ULK2: variants seen among roughly 807,000 people sequenced by gnomAD.
ULK2 encodes the protein serine/threonine-protein kinase ULK2.
In ULK2, 76 loss-of-function variants were observed where a neutral mutation model predicts 127.5. That is an observed-to-expected ratio of 0.60 (90% CI 0.50 to 0.72). ULK2 has a LOEUF of 0.72. Ranked by LOEUF, ULK2 falls within the 30% of genes least tolerant of loss-of-function variation. The pLI is 0.00. For missense variants in ULK2, 1,144 were observed against 1,295.9 expected (o/e 0.88, Z 1.80); for synonymous variants, 452 against 461.9 (o/e 0.98, Z 0.28).
intron 7 of ULK2, 73 bp from the exon 8 acceptor site, chr17:19,843,295 G>T: frequency 2.0e-6 from 2 of 982,104 alleles, no homozygotes; most frequent in Non-Finnish European, 3.0e-6. Flanking sequence ...TAATTAACTG[G>T]TAAAGGTGAC....
chr17:19,839,572 G>C (rs777919672), intron 9 of ULK2, among the ~76,000 whole-genome samples: 2 of 150,162 alleles, frequency 1.3e-5, no homozygotes, highest in Non-Finnish European at 3.0e-5. Flanking sequence ...TGAGGCAGGA[G>C]AATGGCTTGA....
intron 3 of ULK2, among the ~76,000 whole-genome samples, chr17:19,851,282 G>A (rs1451553436): frequency 2.2e-5 from 3 of 137,262 alleles, no homozygotes; most frequent in Non-Finnish European, 3.0e-5. Flanking sequence ...AGCCAAGATC[G>A]TACCACTGCA....
chr17:19,860,733 A>G (rs747695990), intron 3 of ULK2, among the ~76,000 whole-genome samples: 18 of 152,056 alleles, frequency 1.2e-4, no homozygotes, highest in Non-Finnish European at 2.2e-4. Flanking sequence ...CATGTTGGTC[A>G]CGCTGGTCTC....
chr17:19,822,054 C>A (rs2041162031), intron 12 of ULK2, among the ~76,000 whole-genome samples: 1 of 151,140 alleles, frequency 6.6e-6, no homozygotes, highest in African/African-American at 2.4e-5. Flanking sequence ...GGCACAATCT[C>A]AGCTCACTGC....
At chr17:19,811,414 G>A (rs2087636879) in intron 13 of ULK2, among the ~76,000 whole-genome samples, 1 of 151,646 alleles carries the variant, frequency 6.6e-6, no homozygotes, top group African/African-American at 2.4e-5. Flanking sequence ...ATCACGAGAG[G>A]GAAATTATTT....
chr17:19,825,997 A>ATAATAAATAAATAAATAAAT (rs1555560363), intron 11 of ULK2, 142 bp downstream of exon 11: 1 of 59,202 alleles, frequency 1.7e-5, no homozygotes, highest in South Asian at 8.3e-4. Flanking sequence ...AAAAAAAAAA[A>ATAATAAATAAATAAATAAAT]AAAAAAATAA....
In ULK2 at chr17:19,782,919, T is replaced by C. The variant is rs373309423; in HGVS notation, c.2460+778A>G. On this transcript the variant is annotated intron_variant, in intron 22 of 26. Coordinates refer to ENST00000395544, the MANE Select transcript of ULK2 (RefSeq NM_014683.4). Reference sequence around the variant, plus strand: ...TGACAGAGCAAGACTCTGTCTCAAATAAACAAACAAACAAACAAACAAATA... The same window carrying C: ...TGACAGAGCAAGACTCTGTCTCAAACAAACAAACAAACAAACAAACAAATA... Among the ~76,000 whole-genome samples the C allele has an allele frequency of 3.1e-3, 459 of 149,196 alleles. 1 individual carries two copies. The highest frequency in any genetic ancestry group is 6.8e-3 in the Middle Eastern group (2 of 294).
At chr17:19,830,119 A>G (rs1276730602) in intron 10 of ULK2, among the ~76,000 whole-genome samples, 2 of 152,202 alleles carry the variant, frequency 1.3e-5, no homozygotes, top group African/African-American at 2.4e-5. Flanking sequence ...AGTCTCTGAG[A>G]GCAGAGCATA....
chr17:19,829,662 C>T (rs2041387953), intron 10 of ULK2, among the ~76,000 whole-genome samples: 1 of 149,846 alleles, frequency 6.7e-6, no homozygotes, highest in African/African-American at 2.5e-5. Flanking sequence ...ATGGTGAAAT[C>T]CTGTCTCTAC....
At chr17:19,815,655 C>A (rs1255307299) in intron 13 of ULK2, among the ~76,000 whole-genome samples, 2 of 152,152 alleles carry the variant, frequency 1.3e-5, no homozygotes, top group African/African-American at 4.8e-5. Context: ...ATAAAAGTAA[C>A]ACAGCCTAGT....
At chr17:19,836,463 T>C (rs963620452) in intron 10 of ULK2, among the ~76,000 whole-genome samples, 76 of 151,566 alleles carry the variant, frequency 5.0e-4, no homozygotes, top group Non-Finnish European at 1.0e-4. Flanking sequence ...GCACTTGTAA[T>C]CCCAGCTACT....
intron 21 of ULK2, 67 bp from the exon 22 acceptor site, chr17:19,783,972 A>G: frequency 7.8e-7 from 1 of 1,285,774 alleles, no homozygotes; most frequent in Non-Finnish European, 1.0e-6. Context: ...TCCTACTCTT[A>G]TTTACTAAAC....
intron 12 of ULK2, among the ~76,000 whole-genome samples, chr17:19,821,206 C>T (rs1440242803): frequency 6.6e-6 from 1 of 152,158 alleles, no homozygotes; most frequent in African/African-American, 2.4e-5. Context: ...ACTCGGGAGG[C>T]TGAGGCAGGA....
At chr17:19,828,657 G>A (rs563954758) in intron 10 of ULK2, among the ~76,000 whole-genome samples, 1 of 152,324 alleles carries the variant, frequency 6.6e-6, no homozygotes, top group African/African-American at 2.4e-5. Context: ...AGTAATGGGA[G>A]AAATGTGGGA....
Position 19,775,992 on chromosome 17 carries a change from G to C in ULK2, c.*357C>G, listed in dbSNP as rs138922466. The C allele has an allele frequency of 1.6e-3, 329 of 204,510 alleles. 1 individual carries two copies. Among genetic ancestry groups the C allele is most frequent in the African/African-American group, 7.3e-3 (314 of 43,118 alleles). The allele number at this position is 204,510 out of a possible 1,614,324, so 12.7% of individuals were successfully genotyped here. ...CACATGGAATTTCACACACTGCTCT[G>C]ATGAACCCAGTGACGAGCACTCACT... On this transcript the variant is annotated 3_prime_UTR_variant, in exon 27 of 27. Coordinates refer to ENST00000395544, the MANE Select transcript of ULK2 (RefSeq NM_014683.4).
At chr17:19,787,588 T>C (rs1212132177) in intron 20 of ULK2, among the ~76,000 whole-genome samples, 1 of 152,182 alleles carries the variant, frequency 6.6e-6, no homozygotes, top group Non-Finnish European at 1.5e-5. Context: ...GTAAGAAAGT[T>C]AATATAACAA....
intron 3 of ULK2, among the ~76,000 whole-genome samples, chr17:19,850,632 C>G (rs1411772466): frequency 6.6e-6 from 1 of 151,986 alleles, no homozygotes; most frequent in East Asian, 1.9e-4. Context: ...CGAGATCATC[C>G]TGGCTAATAC....
intron 7 of ULK2, 99 bp from the exon 8 acceptor site, chr17:19,843,321 C>T: frequency 1.4e-6 from 1 of 739,870 alleles, no homozygotes; most frequent in Non-Finnish European, 2.1e-6. Context: ...TAACAAACTA[C>T]CAGAATAAAA....
intron 17 of ULK2, among the ~76,000 whole-genome samples, chr17:19,798,886 G>A (rs948623832): frequency 5.3e-5 from 8 of 152,040 alleles, no homozygotes; most frequent in African/African-American, 1.9e-4. Flanking sequence ...TAATCAGCCG[G>A]GCATGGTGGC....
Sources: gnomAD v4.1 joint callset for allele counts (sites outside exome capture counted in the v4.1 genomes callset) on GRCh38, gnomAD v4.1.1 for gene constraint, MANE v1.5 for transcripts, NCBI Gene and HGNC (gene_info 2026-07-23, HGNC 2026-07-21) for gene names.